LIMD1: variants seen among roughly 807,000 people sequenced by gnomAD.
LIMD1 encodes LIM domain containing 1, also known as LIM domain-containing protein 1.
Under a neutral mutation model 58.4 loss-of-function variants are expected in LIMD1, and 23 were observed. The ratio of observed to expected loss-of-function variants is 0.39; its 90% CI spans 0.28 to 0.56. LIMD1 has a LOEUF of 0.56. Among genes scored for constraint, LIMD1 ranks in the 20% least tolerant of loss-of-function variants. The probability of loss-of-function intolerance (pLI) is 0.57; values close to 1 mark genes in which losing one functional copy is unlikely to be tolerated. For synonymous variants in LIMD1, 334 were observed against 345.5 expected (o/e 0.97, Z 0.37); for missense variants, 838 against 855.5 (o/e 0.98, Z 0.25).
intron 2 of LIMD1, among the ~76,000 whole-genome samples, chr3:45,645,680 CTT>C (rs1701897680): frequency 6.6e-6 from 1 of 152,182 alleles, no homozygotes. Flanking sequence ...GGAGTAAACT[CTT>C]TTACCTAGGC....
chr3:45,646,835 A>C (rs1701913051), intron 2 of LIMD1, among the ~76,000 whole-genome samples: 1 of 151,584 alleles, frequency 6.6e-6, no homozygotes, highest in Non-Finnish European at 1.5e-5. Flanking sequence ...AATTTTTTTG[A>C]AATTAATTTT....
rs918344102 is a variant in LIMD1 at position 45,677,152 on chromosome 3, G to A, written c.*93G>A. 34 of 1,434,344 alleles carry A rather than the reference G, an allele frequency of 2.4e-5. 1 individual carries two copies. The highest frequency in any genetic ancestry group is 3.0e-5 in the Non-Finnish European group (31 of 1,042,904). 88.9% of individuals were successfully genotyped at this position (1,434,344 alleles called of 1,614,324 possible). A position where few individuals can be genotyped will look rare whatever the true frequency, so the allele number is the denominator to read the frequency against. ...CCCCTGGGGTGGAAGTGGGGTAGGG[G>A]AAGAGGAGGGGCAGGAGGGAGAGTT... On this transcript the variant is annotated 3_prime_UTR_variant, in exon 8 of 8. Coordinates refer to ENST00000273317, the MANE Select transcript of LIMD1 (RefSeq NM_014240.3).
intron 1 of LIMD1, among the ~76,000 whole-genome samples, chr3:45,615,510 T>G (rs959137598): frequency 6.6e-6 from 1 of 152,128 alleles, no homozygotes; most frequent in African/African-American, 2.4e-5. Flanking sequence ...TCCCAGCACT[T>G]TGGGAGGCTG....
intron 1 of LIMD1, among the ~76,000 whole-genome samples, chr3:45,620,402 A>G (rs755145341): frequency 1.3e-5 from 2 of 152,258 alleles, no homozygotes; most frequent in African/African-American, 2.4e-5. Flanking sequence ...AAACTTTTGT[A>G]CAGAGGATTC....
chr3:45,638,672 G>A (rs952736400), intron 2 of LIMD1, among the ~76,000 whole-genome samples: 2 of 152,162 alleles, frequency 1.3e-5, no homozygotes, highest in Non-Finnish European at 2.9e-5. Context: ...CCAGTAATGG[G>A]ATTACTGGGT....
intron 7 of LIMD1, among the ~76,000 whole-genome samples, chr3:45,676,331 T>C (rs1274950699): frequency 6.6e-6 from 1 of 151,484 alleles, no homozygotes; most frequent in Non-Finnish European, 1.5e-5. Context: ...CTCCACAATT[T>C]ATTTTATTTC....
intron 1 of LIMD1, among the ~76,000 whole-genome samples, chr3:45,605,694 TATG>T (rs1191127787): frequency 6.6e-6 from 1 of 152,250 alleles, no homozygotes; most frequent in Admixed American, 6.5e-5. Context: ...AAGCCACTGG[TATG>T]ATGATGATCA....
chr3:45,637,704 T>C (rs1322644427), intron 2 of LIMD1, among the ~76,000 whole-genome samples: 1 of 152,192 alleles, frequency 6.6e-6, no homozygotes, highest in Non-Finnish European at 1.5e-5. Context: ...AAGAACTTGC[T>C]CACAGCCAGA....
chr3:45,654,091 G>A (rs1473562610), intron 2 of LIMD1, among the ~76,000 whole-genome samples: 1 of 152,114 alleles, frequency 6.6e-6, no homozygotes, highest in Non-Finnish European at 1.5e-5. Context: ...AATTTTTGAT[G>A]TTATCTTAAT....
At chr3:45,633,235 C>T (rs1055374425) in intron 1 of LIMD1, among the ~76,000 whole-genome samples, 4 of 152,136 alleles carry the variant, frequency 2.6e-5, no homozygotes, top group African/African-American at 9.7e-5. Context: ...CATGCACACA[C>T]ATGCATTTCA....
Position 45,614,584 on chromosome 3 carries a change from G to A in LIMD1, c.1408+18297G>A, listed in dbSNP as rs565242970. Among the ~76,000 whole-genome samples the A allele has an allele frequency of 3.3e-5, 5 of 151,750 alleles. No individual in the cohort carries two copies. The South Asian group carries it at 8.3e-4, about 25-fold the overall frequency. Reference sequence around the variant, plus strand: ...CGAAAAATAAAAAAATTAGCTGGGCGTGGTGGTGCGTGCCTATAGTTCCAG... The same window carrying A: ...CGAAAAATAAAAAAATTAGCTGGGCATGGTGGTGCGTGCCTATAGTTCCAG... On this transcript the variant is annotated intron_variant, in intron 1 of 7. Transcript: ENST00000273317.
At chr3:45,649,107 A>G (rs1701936425) in intron 2 of LIMD1, among the ~76,000 whole-genome samples, 1 of 152,234 alleles carries the variant, frequency 6.6e-6, no homozygotes, top group Non-Finnish European at 1.5e-5. Context: ...TTGTAGGAAA[A>G]CATTGGCTGA....
chr3:45,629,369 C>T (rs561053740), intron 1 of LIMD1, among the ~76,000 whole-genome samples: 73 of 146,868 alleles, frequency 5.0e-4, no homozygotes, highest in Non-Finnish European at 8.2e-4. Context: ...GCTGAGATCA[C>T]GCCACTGCAC....
chr3:45,665,603 A>G lies in LIMD1; in HGVS notation c.1511-47A>G, dbSNP rs763018068. 5.3e-5 allele frequency: 80 copies of G among 1,507,008 alleles called. No homozygotes were observed. In the Admixed American group the frequency reaches 1.4e-3, roughly 26 times the overall value. The allele number at this position is 1,507,008 out of a possible 1,614,324, so 93.4% of individuals were successfully genotyped here. A position where few individuals can be genotyped will look rare whatever the true frequency, so the allele number is the denominator to read the frequency against. ...TCACTTTTCACTTTTTCCACTGCAT[A>G]TTAAAATTTTTCTTTTTTTACCCTG... On this transcript the variant is annotated intron_variant, in intron 2 of 7. Transcript: ENST00000273317.
intron 1 of LIMD1, among the ~76,000 whole-genome samples, chr3:45,607,682 C>T (rs1701480782): frequency 1.1e-5 from 1 of 93,040 alleles, no homozygotes; most frequent in African/African-American, 3.5e-5. Flanking sequence ...GGTAAGGCAC[C>T]CCTCTTAGCA....
intron 1 of LIMD1, among the ~76,000 whole-genome samples, chr3:45,613,539 T>C (rs1013774653): frequency 1.3e-4 from 19 of 151,966 alleles, no homozygotes; most frequent in Admixed American, 1.2e-3. Flanking sequence ...TTACATTGTA[T>C]GGATACACCA....
At position 45,682,515 on chromosome 3, in the gene LIMD1, T is replaced by C. The variant is rs1359689712; in HGVS notation, c.*5456T>C. 1 of 152,482 alleles carries C rather than the reference T, an allele frequency of 6.6e-6. No homozygotes were observed. The highest frequency in any genetic ancestry group is 1.9e-4 in the East Asian group (1 of 5,198). 9.4% of individuals were successfully genotyped at this position (152,482 alleles called of 1,614,324 possible). On this transcript the variant is annotated 3_prime_UTR_variant, in exon 8 of 8. Transcript: ENST00000273317. ...GGCAGTGGGGTATCTGGTCTGGTTCTAAGTGCTGTGATGAAGCAGTAGCAG... is the reference window on the plus strand; with the variant it reads ...GGCAGTGGGGTATCTGGTCTGGTTCCAAGTGCTGTGATGAAGCAGTAGCAG...
chr3:45,608,291 A>G (rs1004303824), intron 1 of LIMD1, among the ~76,000 whole-genome samples: 3 of 152,034 alleles, frequency 2.0e-5, no homozygotes, highest in Non-Finnish European at 4.4e-5. Flanking sequence ...CCAGTTTTAG[A>G]TTCAGGGTTG....
chr3:45,616,594 C>G (rs1263652300), intron 1 of LIMD1, among the ~76,000 whole-genome samples: 1 of 151,564 alleles, frequency 6.6e-6, no homozygotes, highest in Non-Finnish European at 1.5e-5. Context: ...GGGTCCCCCT[C>G]CTGGCTGTGA....
Sources: allele counts gnomAD v4.1 joint callset (sites outside exome capture counted in the v4.1 genomes callset), GRCh38; gene constraint gnomAD v4.1.1; transcripts MANE v1.5; gene names NCBI Gene and HGNC (gene_info 2026-07-23, HGNC 2026-07-21).